The following LTA variants were observed in gnomAD, a reference collection of about 807,000 sequenced individuals.
The protein encoded by LTA is lymphotoxin alpha, also known as lymphotoxin-alpha.
In LTA, 6 loss-of-function variants were observed where a neutral mutation model predicts 15.1. That is an observed-to-expected ratio of 0.40 (90% CI 0.22 to 0.78). The LOEUF is 0.78. Among genes scored for constraint, LTA ranks in the 30% least tolerant of loss-of-function variants. LTA has a pLI of 0.38. For synonymous variants in LTA, 87 were observed against 107.3 expected (o/e 0.81, Z 1.17); for missense variants, 173 against 249.5 (o/e 0.69, Z 2.06).
the LTA span, among the ~76,000 whole-genome samples, chr6:31,565,679 AT>A: frequency 6.0e-4 from 92 of 152,180 alleles, 4 homozygotes; most frequent in Admixed American, 5.9e-3. Context: ...ATCCATCAGA[AT>A]CCTGCTTCTC....
At chr6:31,572,641 CGG>C in intron 1 of LTA, 91 bp from the exon 2 acceptor site, 6 of 830,492 alleles carry the variant, frequency 7.2e-6, no homozygotes, top group Admixed American at 2.0e-5. Context: ...TCTCGGGGGT[CGG>C]GGGGTGCTCT....
upstream of LTA, among the ~76,000 whole-genome samples, chr6:31,570,245 A>G (rs925421051): frequency 6.6e-6 from 1 of 152,204 alleles, no homozygotes; most frequent in Admixed American, 6.5e-5. Context: ...CTAGTAAAGC[A>G]TAAAAGGCAA....
In LTA at chr6:31,573,675, T is replaced by G; in HGVS notation, c.600T>G (p.Phe200Leu). ...TCCTCAGCCCTAGTACTGTCTTCTT[T>G]GGAGCCTTCGCTCTGTAGAACTTGG... is the stretch of plus-strand genomic sequence containing the variant. ...HLVLSPSTVF[F>L]GAFAL The change falls in exon 4 of 4, where the codon TTT becomes TTG. Residue 200 changes from phenylalanine to leucine, a missense_variant. Transcript: ENST00000418386. 19 of 1,613,810 alleles carry G rather than the reference T, an allele frequency of 1.2e-5. No homozygotes were observed. Among genetic ancestry groups the G allele is most frequent in the Non-Finnish European group, 1.6e-5 (19 of 1,179,820 alleles).
At chr6:31,567,198 A>G (rs565406007), upstream of LTA, among the ~76,000 whole-genome samples, 3 of 151,750 alleles carry the variant, frequency 2.0e-5, no homozygotes, top group Admixed American at 2.0e-4. Flanking sequence ...GGGAGGCTGA[A>G]GCAGGAGAAT....
chr6:31,564,505 G>A, the LTA span, among the ~76,000 whole-genome samples: 1 of 151,532 alleles, frequency 6.6e-6, no homozygotes, highest in African/African-American at 2.4e-5. Context: ...GGATGGTCTC[G>A]ATCTCCTGAC....
At chr6:31,565,209 A>G in the LTA span, among the ~76,000 whole-genome samples, 1 of 152,202 alleles carries the variant, frequency 6.6e-6, no homozygotes, top group Non-Finnish European at 1.5e-5. Flanking sequence ...GGGGAAAGCC[A>G]GGTTTCAAAA....
chr6:31,564,836 C>G, the LTA span, among the ~76,000 whole-genome samples: 1 of 151,992 alleles, frequency 6.6e-6, no homozygotes, highest in South Asian at 2.1e-4. Context: ...ATCACTTGAG[C>G]CCAGGAGGTC....
the LTA span, among the ~76,000 whole-genome samples, chr6:31,566,007 A>C: frequency 4.0e-5 from 6 of 151,414 alleles, no homozygotes; most frequent in South Asian, 1.3e-3. Context: ...ATGAAACCCT[A>C]TCTCTACTAA....
chr6:31,567,620 C>G (rs1384953728), upstream of LTA, among the ~76,000 whole-genome samples: 1 of 149,070 alleles, frequency 6.7e-6, no homozygotes, highest in Non-Finnish European at 1.5e-5. Flanking sequence ...CTCTCTCTCT[C>G]TCTCCCTCCC....
At chr6:31,566,047 G>A in the LTA span, among the ~76,000 whole-genome samples, 50 of 151,784 alleles carry the variant, frequency 3.3e-4, no homozygotes, top group Middle Eastern at 3.4e-3. Context: ...GCACGGTGGC[G>A]CATGCCTGTA....
At chr6:31,573,224 G>A in intron 3 of LTA, 57 bp from the exon 4 acceptor site, 2 of 1,531,206 alleles carry the variant, frequency 1.3e-6, no homozygotes, top group South Asian at 2.4e-5. Flanking sequence ...CTCAGGGATT[G>A]AGACCTCTGA....
the LTA span, among the ~76,000 whole-genome samples, chr6:31,565,906 C>T: frequency 7.2e-5 from 11 of 152,228 alleles, no homozygotes; most frequent in East Asian, 1.2e-3. Flanking sequence ...CCAGGCTGGG[C>T]GCGTTGGCTA....
the LTA span, among the ~76,000 whole-genome samples, chr6:31,561,332 C>T: frequency 1.3e-5 from 2 of 152,172 alleles, no homozygotes; most frequent in Non-Finnish European, 1.5e-5. Context: ...TTAATACCTA[C>T]TGTGTGTTAA....
In LTA at chr6:31,573,170, C is replaced by T. The variant is rs1213398918; in HGVS notation, c.206-111C>T. ...ACAGAGGGAGCCCACTCCTATGCCT[C>T]CCCCTGCCATCCCCCAGGAACTCAG... On this transcript the variant is annotated intron_variant, in intron 3 of 3. Coordinates refer to ENST00000418386, the MANE Select transcript of LTA (RefSeq NM_000595.4). 49 of 1,228,544 alleles carry T rather than the reference C, an allele frequency of 4.0e-5. No homozygotes were observed. The East Asian group carries it at 1.0e-3, about 25-fold the overall frequency. The allele number at this position is 1,228,544 out of a possible 1,614,324, so 76.1% of individuals were successfully genotyped here. A position where few individuals can be genotyped will look rare whatever the true frequency, so the allele number is the denominator to read the frequency against.
upstream of LTA, among the ~76,000 whole-genome samples, chr6:31,568,071 T>C (rs1456129430): frequency 1.3e-5 from 2 of 152,180 alleles, no homozygotes; most frequent in Non-Finnish European, 2.9e-5. This position sits in a 1 kb window ranked among gnomAD's most constrained non-coding sequence, Gnocchi z 4.1. Flanking sequence ...CAGCCTGTCT[T>C]ATTTTCTCAT....
Position 31,573,465 on chromosome 6 carries a change from C to T in LTA, c.390C>T (p.Tyr130=), listed in dbSNP as rs1448001514. Residue 130 remains tyrosine (Y), a synonymous_variant, in exon 4 of 4, where the codon TAC becomes TAT. Coordinates refer to ENST00000418386, the MANE Select transcript of LTA (RefSeq NM_000595.4). Reference sequence around the variant, plus strand: ...CCAAGGCCACCTCCTCCCCACTCTACCTGGCCCATGAGGTCCAGCTCTTCT... The same window carrying T: ...CCAAGGCCACCTCCTCCCCACTCTATCTGGCCCATGAGGTCCAGCTCTTCT... ...YSPKATSSPL[Y]LAHEVQLFSS... The T allele has an allele frequency of 6.2e-7, 1 of 1,614,052 alleles. No individual in the cohort carries two copies. Among genetic ancestry groups the T allele is most frequent in the Non-Finnish European group, 8.5e-7 (1 of 1,180,032 alleles).
In LTA at chr6:31,574,163, A is replaced by G. The variant is rs962747504; in HGVS notation, c.*470A>G. 3 of 314,790 alleles carry G rather than the reference A, an allele frequency of 9.5e-6. No homozygotes were observed. The highest frequency in any genetic ancestry group is 1.9e-5 in the Non-Finnish European group (3 of 161,642). The allele number at this position is 314,790 out of a possible 1,614,324, so 19.5% of individuals were successfully genotyped here. ...ACAGGCCCAAGAGATGAAGAGTGAG[A>G]GGGCATGCGCACAAGGCTGACCAAG... On this transcript the variant is annotated 3_prime_UTR_variant, in exon 4 of 4. Coordinates refer to ENST00000418386, the MANE Select transcript of LTA (RefSeq NM_000595.4).
At chr6:31,563,495 ACT>A in the LTA span, among the ~76,000 whole-genome samples, 1 of 152,030 alleles carries the variant, frequency 6.6e-6, no homozygotes, top group African/African-American at 2.4e-5. Context: ...AACACTGATG[ACT>A]CTCTGAGATT....
Position 31,574,012 on chromosome 6 carries a change from T to A in LTA, c.*319T>A, listed in dbSNP as rs963913192. The A allele has an allele frequency of 5.6e-6, 3 of 537,978 alleles. No individual in the cohort carries two copies. Among genetic ancestry groups the A allele is most frequent in the African/African-American group, 3.8e-5 (2 of 52,546 alleles). 33.3% of individuals were successfully genotyped at this position (537,978 alleles called of 1,614,324 possible). ...CACACACAGAGGAAGAGCAGGCACATGGAGGAGCTTGGGGGATGACTAGAG... is the reference window on the plus strand; with the variant it reads ...CACACACAGAGGAAGAGCAGGCACAAGGAGGAGCTTGGGGGATGACTAGAG... On this transcript the variant is annotated 3_prime_UTR_variant, in exon 4 of 4. Coordinates refer to ENST00000418386, the MANE Select transcript of LTA (RefSeq NM_000595.4).
Sources: allele counts gnomAD v4.1 joint callset (sites outside exome capture counted in the v4.1 genomes callset), GRCh38; gene constraint gnomAD v4.1.1; non-coding constraint Gnocchi (gnomAD v3.1); transcripts MANE v1.5; gene names NCBI Gene and HGNC (gene_info 2026-07-23, HGNC 2026-07-21).